DOCK5: variants seen among roughly 807,000 people sequenced by gnomAD.
The protein encoded by DOCK5 is dedicator of cytokinesis 5, also known as dedicator of cytokinesis protein 5.
In DOCK5, 142 loss-of-function variants were observed where a neutral mutation model predicts 251.8. The ratio of observed to expected loss-of-function variants is 0.56; its 90% CI spans 0.49 to 0.65. DOCK5 has a LOEUF of 0.65. Ranked by LOEUF, DOCK5 falls within the 30% of genes least tolerant of loss-of-function variation. The probability of loss-of-function intolerance (pLI) is 0.00; values close to 1 mark genes in which losing one functional copy is unlikely to be tolerated. For missense variants in DOCK5, 2,111 were observed against 2,312.3 expected (o/e 0.91, Z 1.79); for synonymous variants, 842 against 835.5 (o/e 1.01, Z -0.13).
At chr8:25,236,452 C>G (rs750031662) in intron 1 of DOCK5, among the ~76,000 whole-genome samples, 4 of 152,170 alleles carry the variant, frequency 2.6e-5, no homozygotes, top group Non-Finnish European at 5.9e-5. Context: ...CTGTTTGGCC[C>G]TCTTGGATAT....
At chr8:25,385,028 G>A (rs886461723) in intron 40 of DOCK5, among the ~76,000 whole-genome samples, 1 of 152,192 alleles carries the variant, frequency 6.6e-6, no homozygotes, top group Non-Finnish European at 1.5e-5. Context: ...GGTAAAGGGG[G>A]TAGGAATAAG....
chr8:25,359,958 A>T (rs1338580784), intron 28 of DOCK5, among the ~76,000 whole-genome samples: 2 of 152,238 alleles, frequency 1.3e-5, no homozygotes, highest in Admixed American at 1.3e-4. Context: ...GGGGATTATT[A>T]GTGGCCCTTC....
chr8:25,270,809 C>T (rs1384963960), intron 3 of DOCK5: 1 of 713,222 alleles, frequency 1.4e-6, no homozygotes, highest in East Asian at 2.7e-5. Context: ...TCCAGGACCC[C>T]CACAATACCG....
At chr8:25,263,420 T>C (rs1413668163) in intron 2 of DOCK5, among the ~76,000 whole-genome samples, 2 of 151,948 alleles carry the variant, frequency 1.3e-5, no homozygotes, top group Admixed American at 1.3e-4. Flanking sequence ...TGAATTCATG[T>C]GGATACCTTC....
At chr8:25,376,397 G>C (rs533096955) in intron 37 of DOCK5, 3 of 983,084 alleles carry the variant, frequency 3.1e-6, no homozygotes, top group African/African-American at 1.7e-5. Flanking sequence ...TCTTATTTTG[G>C]GGGGAGGGAA....
At chr8:25,233,091 AC>A (rs981745529) in intron 1 of DOCK5, among the ~76,000 whole-genome samples, 3 of 150,806 alleles carry the variant, frequency 2.0e-5, no homozygotes, top group African/African-American at 7.3e-5. Context: ...AGCCACCTTG[AC>A]CCCCCTGAAT....
intron 1 of DOCK5, among the ~76,000 whole-genome samples, chr8:25,198,647 A>G (rs1801795511): frequency 6.6e-6 from 1 of 152,202 alleles, no homozygotes; most frequent in Non-Finnish European, 1.5e-5. Context: ...TGTATGTAGA[A>G]TCAGAAGATA....
intron 40 of DOCK5, among the ~76,000 whole-genome samples, chr8:25,384,469 T>TATTTATTTATTTA (rs1446152840): frequency 5.2e-4 from 57 of 109,106 alleles, no homozygotes; most frequent in African/African-American, 1.8e-3. Flanking sequence ...ATTTATTTTT[T>TATTTATTTATTTA]TTTTTTTTGA....
At chr8:25,192,036 C>T (rs374724199) in intron 1 of DOCK5, among the ~76,000 whole-genome samples, 27 of 151,362 alleles carry the variant, frequency 1.8e-4, no homozygotes, top group African/African-American at 5.6e-4. Context: ...TTTGTCCTTG[C>T]GATAGTTTGC....
intron 34 of DOCK5, among the ~76,000 whole-genome samples, chr8:25,370,775 G>C: frequency 6.6e-6 from 1 of 152,028 alleles, no homozygotes; most frequent in Non-Finnish European, 1.5e-5. Context: ...CTAGTAGCTA[G>C]GACTGTAGGC....
intron 7 of DOCK5, among the ~76,000 whole-genome samples, chr8:25,298,277 T>C (rs915043440): frequency 6.6e-6 from 1 of 152,168 alleles, no homozygotes; most frequent in Non-Finnish European, 1.5e-5. Context: ...AGGTAAAGCC[T>C]TTCTAGTGGA....
chr8:25,233,926 C>A (rs1802732899), intron 1 of DOCK5, among the ~76,000 whole-genome samples: 2 of 152,176 alleles, frequency 1.3e-5, no homozygotes, highest in African/African-American at 4.8e-5. Context: ...CCTTCTGTTT[C>A]CTCACTGCAA....
chr8:25,368,805 C>G, intron 33 of DOCK5, 80 bp downstream of exon 33: 1 of 1,394,138 alleles, frequency 7.2e-7, no homozygotes, highest in Non-Finnish European at 9.6e-7. Flanking sequence ...TATAGAGAAG[C>G]AGTAACCTTA....
At chr8:25,316,847 G>A (rs539154646) in intron 13 of DOCK5, among the ~76,000 whole-genome samples, 160 bp from the exon 14 acceptor site, 1 of 152,296 alleles carries the variant, frequency 6.6e-6, no homozygotes, top group East Asian at 1.9e-4. Flanking sequence ...AATGTGATAA[G>A]CTGAAGACAG....
At chr8:25,237,861 TC>T (rs1276641019) in intron 1 of DOCK5, among the ~76,000 whole-genome samples, 5 of 152,228 alleles carry the variant, frequency 3.3e-5, no homozygotes, top group African/African-American at 1.2e-4. Context: ...TTAAAGGCAA[TC>T]CTGTTTTACA....
intron 6 of DOCK5, among the ~76,000 whole-genome samples, chr8:25,294,173 C>T (rs952473975): frequency 2.0e-5 from 3 of 152,250 alleles, no homozygotes; most frequent in South Asian, 2.1e-4. Context: ...ACTTCTTTCC[C>T]GTTCCAGCTC....
At chr8:25,398,764 C>G (rs762553488) in intron 45 of DOCK5, among the ~76,000 whole-genome samples, 12 of 152,222 alleles carry the variant, frequency 7.9e-5, no homozygotes, top group Non-Finnish European at 1.2e-4. Context: ...CTTAAGGGCC[C>G]ACCCTACTCC....
chr8:25,262,947 T>G (rs1026641994), intron 2 of DOCK5, among the ~76,000 whole-genome samples: 5 of 149,552 alleles, frequency 3.3e-5, no homozygotes, highest in Admixed American at 2.0e-4. Context: ...ACCTCCTGAG[T>G]TTTTTTTAAA....
chr8:25,347,432 A>G (rs923283206), intron 26 of DOCK5, among the ~76,000 whole-genome samples: 2 of 152,190 alleles, frequency 1.3e-5, no homozygotes, highest in Admixed American at 1.3e-4. Context: ...AAACCACATT[A>G]TAAAATGGAA....
Sources: gnomAD v4.1 joint callset for allele counts (sites outside exome capture counted in the v4.1 genomes callset) on GRCh38, gnomAD v4.1.1 for gene constraint, MANE v1.5 for transcripts, NCBI Gene and HGNC (gene_info 2026-07-23, HGNC 2026-07-21) for gene names.